The following CIT variants were observed in gnomAD, a reference collection of about 807,000 sequenced individuals.
The protein encoded by CIT is citron Rho-interacting kinase.
CIT carries 79 observed loss-of-function variants against 272.7 expected under a neutral mutation model. That is an observed-to-expected ratio of 0.29 (90% CI 0.24 to 0.35). The LOEUF (loss-of-function observed/expected upper bound fraction) is 0.35, where lower values mean the gene tolerates loss of function less well. Among genes scored for constraint, CIT ranks in the 10% least tolerant of loss-of-function variants. The pLI is 1.00. For missense variants in CIT, 1,909 were observed against 2,618.3 expected, an observed-to-expected ratio of 0.73 and a Z score of 5.91; for synonymous variants, 948 against 995.6, an observed-to-expected ratio of 0.95 and a Z score of 0.90.
chr12:119,731,813 A>AATATATATATATATATATATATATATAT (rs57327382), intron 26 of CIT, among the ~76,000 whole-genome samples: 31 of 139,132 alleles, frequency 2.2e-4, no homozygotes, highest in African/African-American at 8.0e-4. Flanking sequence ...TTCTCTCCTA[A>AATATATATATATATATATATATATATAT]ATATATATAT....
Position 119,752,254 on chromosome 12 carries a change from CAGAGAG to C in CIT, c.2707-13_2707-8del. On this transcript the variant is annotated splice_region_variant and splice_polypyrimidine_tract_variant and intron_variant, in intron 22 of 47. Transcript: ENST00000392521. ...CCTCGTGCTCTAGACTGACCTGAGA[CAGAGAG>C]AGAGAGAGAAAGAGAGATAAACCCT... is the stretch of plus-strand genomic sequence containing the variant. The C allele has an allele frequency of 6.4e-7, 1 of 1,574,508 alleles. No homozygotes were observed. Among genetic ancestry groups the C allele is most frequent in the African/African-American group, 1.3e-5 (1 of 74,130 alleles).
chr12:119,716,962 A>G (rs1170868598), intron 32 of CIT, among the ~76,000 whole-genome samples: 1 of 152,222 alleles, frequency 6.6e-6, no homozygotes, highest in Non-Finnish European at 1.5e-5. Context: ...CTAAGATAGC[A>G]CTTTAATGAA....
chr12:119,824,925 A>G (rs1460764927), intron 8 of CIT, among the ~76,000 whole-genome samples: 1 of 152,102 alleles, frequency 6.6e-6, no homozygotes, highest in Non-Finnish European at 1.5e-5. Context: ...CAGCCTCCAG[A>G]GTAGCTGGGA....
chr12:119,749,240 C>A (rs148483073), intron 23 of CIT, among the ~76,000 whole-genome samples: 2 of 152,320 alleles, frequency 1.3e-5, no homozygotes, highest in Non-Finnish European at 2.9e-5. Flanking sequence ...ATTAAACAAT[C>A]ATAGCACATT....
At chr12:119,832,646 C>A in intron 7 of CIT, 125 bp downstream of exon 7, 2 of 714,990 alleles carry the variant, frequency 2.8e-6, no homozygotes, top group East Asian at 2.8e-5. Context: ...CTGTCCCCAC[C>A]CCCATACACT....
chr12:119,868,946 T>C, intron 3 of CIT, 114 bp downstream of exon 3: 3 of 1,284,156 alleles, frequency 2.3e-6, no homozygotes, highest in Non-Finnish European at 3.3e-6. Context: ...ATCTGTCTTA[T>C]ATAGAACCAG....
At chr12:119,877,077 G>C (rs746947958) in intron 1 of CIT, among the ~76,000 whole-genome samples, 172 bp downstream of exon 1, 10 of 152,148 alleles carry the variant, frequency 6.6e-5, no homozygotes, top group Non-Finnish European at 1.0e-4. Context: ...GAAGGTGGGC[G>C]CGCGCACAGC....
At position 119,775,680 on chromosome 12, in the gene CIT, G is replaced by GAAAA; in HGVS notation, c.1941+105_1941+106insTTTT. ...TCCCCCTTCATTTTCCTCAGCGCTG[G>GAAAA]GTGACTAATTCTGTTTCTTTCATCT... is the stretch of plus-strand genomic sequence containing the variant. On this transcript the variant is annotated intron_variant, in intron 16 of 47. Transcript: ENST00000392521. 6.2e-6 allele frequency: 5 copies of GAAAA among 811,452 alleles called. No homozygotes were observed. The South Asian group carries it at 7.8e-5, about 13-fold the overall frequency. 50.3% of individuals were successfully genotyped at this position (811,452 alleles called of 1,614,324 possible).
chr12:119,772,384 A>G (rs554541776), intron 17 of CIT, among the ~76,000 whole-genome samples: 3 of 152,320 alleles, frequency 2.0e-5, no homozygotes, highest in African/African-American at 4.8e-5. Context: ...CGCAGGTAAT[A>G]GGTGAAGCCT....
intron 9 of CIT, among the ~76,000 whole-genome samples, chr12:119,813,696 T>C (rs531597848): frequency 2.0e-5 from 3 of 152,340 alleles, no homozygotes; most frequent in African/African-American, 7.2e-5. Context: ...GGCATTAATT[T>C]ATCTCACTTA....
chr12:119,764,941 G>A (rs559802795), intron 19 of CIT, among the ~76,000 whole-genome samples: 5 of 152,004 alleles, frequency 3.3e-5, no homozygotes, highest in Admixed American at 1.3e-4. Context: ...CAAGTAGCTG[G>A]GACTACAGGT....
At chr12:119,699,932 T>A in intron 44 of CIT, 1 of 455,782 alleles carries the variant, frequency 2.2e-6, no homozygotes. Context: ...TGTATGTGTG[T>A]TTAGTCTTTG....
chr12:119,858,921 A>G (rs1412897668), intron 3 of CIT, among the ~76,000 whole-genome samples: 1 of 152,174 alleles, frequency 6.6e-6, no homozygotes, highest in Non-Finnish European at 1.5e-5. Flanking sequence ...TACATGTCCA[A>G]ATGGATTTGC....
intron 24 of CIT, among the ~76,000 whole-genome samples, chr12:119,739,883 C>A (rs954708556): frequency 2.6e-5 from 4 of 152,130 alleles, no homozygotes; most frequent in Admixed American, 2.6e-4. Flanking sequence ...ACCCAGCCCC[C>A]AAAGAGCAGT....
chr12:119,718,546 G>T lies in CIT; in HGVS notation c.4004-137C>A. 7.2e-7 allele frequency: 1 copy of T among 1,394,544 alleles called. No individual in the cohort carries two copies. The highest frequency in any genetic ancestry group is 9.8e-7 in the Non-Finnish European group (1 of 1,016,462). 86.4% of individuals were successfully genotyped at this position (1,394,544 alleles called of 1,614,324 possible). ...GTCACATCAACTTGGCAATGCACAG[G>T]GGCCATACGTTTTTCAGACATGGGA... On this transcript the variant is annotated intron_variant, in intron 31 of 47. Transcript: ENST00000392521. The surrounding 1 kb of genome is among the most constrained non-coding windows in gnomAD (Gnocchi z 4.8).
intron 20 of CIT, among the ~76,000 whole-genome samples, chr12:119,760,186 CAA>C (rs556831232): frequency 1.1e-4 from 7 of 63,022 alleles, no homozygotes; most frequent in East Asian, 5.1e-4. Flanking sequence ...GATTCCATCT[CAA>C]AAAAAAAAAA....
At position 119,804,217 on chromosome 12, in the gene CIT, C is replaced by G. The variant is rs1477285586; in HGVS notation, c.1112-828G>C. On this transcript the variant is annotated intron_variant, in intron 9 of 47. Transcript: ENST00000392521. This position sits in a 1 kb window ranked among gnomAD's most constrained non-coding sequence, Gnocchi z 5.3. ...CGTGTTACATCCTCTCCACTTCCTC[C>G]GACCTACTAAGCGCTCTCGGTCTGG... is the stretch of plus-strand genomic sequence containing the variant. 1 of 985,192 alleles carries G rather than the reference C, an allele frequency of 1.0e-6. No homozygotes were observed. The highest frequency in any genetic ancestry group is 1.2e-6 in the Non-Finnish European group (1 of 829,824). 61.0% of individuals were successfully genotyped at this position (985,192 alleles called of 1,614,324 possible). A position where few individuals can be genotyped will look rare whatever the true frequency, so the allele number is the denominator to read the frequency against.
chr12:119,872,052 A>G (rs997746438), intron 2 of CIT, among the ~76,000 whole-genome samples: 3 of 152,226 alleles, frequency 2.0e-5, no homozygotes, highest in African/African-American at 7.2e-5. Context: ...AACAGCCTGC[A>G]GTGAAATGAG....
chr12:119,784,965 G>A lies in CIT; in HGVS notation c.1396C>T (p.His466Tyr). 6.2e-7 allele frequency: 1 copy of A among 1,614,178 alleles called. No homozygotes were observed. The highest frequency in any genetic ancestry group is 8.5e-7 in the Non-Finnish European group (1 of 1,180,018). ...CCGGCTGCGGAAATAAATACCTTGT[G>A]ACACTTGTCCTGAGAGTCTTGTAGC... is the stretch of plus-strand genomic sequence containing the variant. ...KELQDSQDKC[H>Y]KMEQEMTRLH... is the part of the protein sequence containing the mutation. The change falls in exon 11 of 48, where the codon CAC (histidine) becomes TAC (tyrosine). Residue 466 changes from histidine (H) to tyrosine (Y), a missense_variant. His to Tyr is a moderately conservative substitution (Grantham distance 83, BLOSUM62 2). Around this residue, in one of 8 missense-constraint regions of CIT, gnomAD observed 26 missense variants for 44.1 expected, o/e 0.59. Coordinates refer to ENST00000392521, the MANE Select transcript of CIT (RefSeq NM_001206999.2). This position sits in a 1 kb window ranked among gnomAD's most constrained non-coding sequence, Gnocchi z 4.7.
Sources: allele counts gnomAD v4.1 joint callset (sites outside exome capture counted in the v4.1 genomes callset), GRCh38; gene constraint gnomAD v4.1.1; regional missense constraint gnomAD v4.1.1; non-coding constraint Gnocchi (gnomAD v3.1); transcripts MANE v1.5; gene names NCBI Gene and HGNC (gene_info 2026-07-23, HGNC 2026-07-21).